CBFB: variants seen among roughly 807,000 people sequenced by gnomAD.
The protein encoded by CBFB is core-binding factor subunit beta, also known as CBF-beta.
CBFB carries 9 observed loss-of-function variants against 30.4 expected under a neutral mutation model. The observed-to-expected ratio is 0.30, with a 90% confidence interval of 0.18 to 0.52. The LOEUF (loss-of-function observed/expected upper bound fraction) is 0.52. Among genes scored for constraint, CBFB ranks in the 20% least tolerant of loss-of-function variants. CBFB has a pLI of 0.97. For missense variants in CBFB, 170 were observed against 244.0 expected (o/e 0.70, Z 2.02); for synonymous variants, 94 against 84.0 (o/e 1.12, Z -0.65).
intron 2 of CBFB, among the ~76,000 whole-genome samples, chr16:67,033,858 G>A (rs1240456336): frequency 3.2e-5 from 4 of 126,456 alleles, no homozygotes; most frequent in Admixed American, 9.1e-5. Context: ...GTCTTGCACT[G>A]TCGGCTAGGC....
chr16:67,030,710 C>T (rs1290764029), intron 2 of CBFB, among the ~76,000 whole-genome samples: 1 of 152,144 alleles, frequency 6.6e-6, no homozygotes, highest in Non-Finnish European at 1.5e-5. Flanking sequence ...AGCGATTTTC[C>T]TGCCTCAGCC....
intron 3 of CBFB, among the ~76,000 whole-genome samples, chr16:67,060,619 G>T (rs998135164): frequency 2.0e-5 from 3 of 152,062 alleles, no homozygotes; most frequent in Admixed American, 1.3e-4. Flanking sequence ...GCAATGGCGC[G>T]ATCTTGGCTC....
At chr16:67,049,801 A>G (rs962057281) in intron 3 of CBFB, among the ~76,000 whole-genome samples, 8 of 152,122 alleles carry the variant, frequency 5.3e-5, no homozygotes, top group African/African-American at 1.9e-4. Context: ...TTTTATGGTG[A>G]TCACTACCAC....
At chr16:67,060,134 C>A (rs1960859551) in intron 3 of CBFB, among the ~76,000 whole-genome samples, 1 of 152,030 alleles carries the variant, frequency 6.6e-6, no homozygotes, top group African/African-American at 2.4e-5. Flanking sequence ...TGTGACACCA[C>A]ACCTGGCTAA....
intron 3 of CBFB, among the ~76,000 whole-genome samples, chr16:67,056,608 CATGCTTGTTTTTGGTGGTGAGGG>C (rs1333418500): frequency 2.0e-5 from 3 of 151,586 alleles, no homozygotes; most frequent in African/African-American, 7.3e-5. Flanking sequence ...TCCCGTGTAA[CATGCTTGTTTTTGGTGGTGAGGG>C]ATGCTTGTTT....
chr16:67,029,932 T>A, intron 2 of CBFB, 119 bp downstream of exon 2: 2 of 571,620 alleles, frequency 3.5e-6, no homozygotes, highest in East Asian at 3.6e-5. Flanking sequence ...GGGCGCCGTC[T>A]CACTTCCTAC....
At chr16:67,051,908 T>C (rs1960554778) in intron 3 of CBFB, among the ~76,000 whole-genome samples, 1 of 133,254 alleles carries the variant, frequency 7.5e-6, no homozygotes, top group Non-Finnish European at 1.5e-5. Flanking sequence ...TATATATATG[T>C]GTATACACAC....
chr16:67,052,061 A>G (rs1269455202), intron 3 of CBFB, among the ~76,000 whole-genome samples: 1 of 151,296 alleles, frequency 6.6e-6, no homozygotes, highest in East Asian at 2.0e-4. Flanking sequence ...TCTGTCTCCC[A>G]GGCTCAAGCC....
intron 3 of CBFB, among the ~76,000 whole-genome samples, chr16:67,052,318 C>T (rs1453919209): frequency 6.6e-6 from 1 of 152,060 alleles, no homozygotes. Context: ...GCCTGTAATC[C>T]TAGCACTTTG....
rs1338275716 is a variant in CBFB, at chr16:67,065,673, C to T, written c.283-1009C>T. Among the ~76,000 whole-genome samples, 5 of 152,252 alleles carry T rather than the reference C, an allele frequency of 3.3e-5. No individual in the cohort carries two copies. In the East Asian group the frequency reaches 9.6e-4, roughly 29 times the overall value. On this transcript the variant is annotated intron_variant, in intron 3 of 5. Coordinates refer to ENST00000412916, the MANE Select transcript of CBFB (RefSeq NM_022845.3). ...GATAACAGGCATTAGCCACTGGTGC[C>T]TAGCCTTTTTGTCTTAGTTGATTTT...
intron 4 of CBFB, among the ~76,000 whole-genome samples, chr16:67,076,235 AT>A (rs1433017688): frequency 1.3e-5 from 2 of 152,182 alleles, no homozygotes; most frequent in East Asian, 1.9e-4. Flanking sequence ...TCTCAAAAAA[AT>A]TTAAAAAATT....
Position 67,032,171 on chromosome 16 carries a change from G to A in CBFB, c.165+2358G>A, listed in dbSNP as rs1966362977. Among the ~76,000 whole-genome samples, 5 of 152,140 alleles carry A rather than the reference G, an allele frequency of 3.3e-5. No individual in the cohort carries two copies. In the South Asian group the frequency reaches 8.3e-4, roughly 25 times the overall value. On this transcript the variant is annotated intron_variant, in intron 2 of 5. Coordinates refer to ENST00000412916, the MANE Select transcript of CBFB (RefSeq NM_022845.3). ...GTAGTAGTACAGGTGGTTAGTGTTT[G>A]TCATGAATTTATTTCCAGGATGAAT...
intron 4 of CBFB, among the ~76,000 whole-genome samples, chr16:67,069,496 C>G (rs1377168963): frequency 6.6e-6 from 1 of 151,942 alleles, no homozygotes; most frequent in African/African-American, 2.4e-5. Flanking sequence ...TGTGGGACAC[C>G]AGCACACGTA....
chr16:67,095,761 C>T (rs908426057), intron 5 of CBFB, among the ~76,000 whole-genome samples: 8 of 150,170 alleles, frequency 5.3e-5, no homozygotes, highest in African/African-American at 1.2e-4. Flanking sequence ...AGCACAATCT[C>T]GGCTCACCAC....
At chr16:67,037,492 A>G (rs184087715) in intron 3 of CBFB, among the ~76,000 whole-genome samples, 65 of 152,246 alleles carry the variant, frequency 4.3e-4, no homozygotes, top group Middle Eastern at 3.4e-3. Context: ...GAGAAAAACA[A>G]TGTGAAAACT....
chr16:67,084,933 G>C lies in CBFB; in HGVS notation c.495+2625G>C, dbSNP rs1961679104. On this transcript the variant is annotated intron_variant, in intron 5 of 5. Transcript: ENST00000412916. The stretch of plus-strand genomic sequence containing the variant: ...TCTACAAAATAGGAGTAATAATCCT[G>C]CCTGTCTCATATGGTCATTGTGAGG... Among the ~76,000 whole-genome samples, 4 of 152,128 alleles carry C rather than the reference G, an allele frequency of 2.6e-5. No homozygotes were observed. The South Asian group carries it at 8.3e-4, about 32-fold the overall frequency.
chr16:67,052,343 G>A (rs563366110), intron 3 of CBFB, among the ~76,000 whole-genome samples: 2 of 152,280 alleles, frequency 1.3e-5, no homozygotes, highest in South Asian at 2.1e-4. Flanking sequence ...GCCAAGGTGG[G>A]AAGATTGCAT....
chr16:67,084,564 T>G (rs1464672492), intron 5 of CBFB, among the ~76,000 whole-genome samples: 1 of 152,184 alleles, frequency 6.6e-6, no homozygotes, highest in Admixed American at 6.5e-5. Context: ...TTCTAGTTGG[T>G]TGCACAACAG....
intron 3 of CBFB, among the ~76,000 whole-genome samples, chr16:67,044,464 G>T (rs1263303289): frequency 6.6e-6 from 1 of 152,100 alleles, no homozygotes; most frequent in Non-Finnish European, 1.5e-5. Flanking sequence ...CAGACATCGA[G>T]AAGTATTTAT....
Sources: allele counts gnomAD v4.1 joint callset (sites outside exome capture counted in the v4.1 genomes callset), GRCh38; gene constraint gnomAD v4.1.1; transcripts MANE v1.5; gene names NCBI Gene and HGNC (gene_info 2026-07-23, HGNC 2026-07-21).